DAB1: variants seen among roughly 807,000 people sequenced by gnomAD.
DAB1 encodes the protein DAB adaptor protein 1, also known as disabled homolog 1.
A neutral mutation model predicts 64.6 loss-of-function variants in DAB1; 15 were observed. The ratio of observed to expected loss-of-function variants is 0.23; its 90% confidence interval spans 0.16 to 0.36. The LOEUF is 0.36. DAB1 is among the 10% of genes least tolerant of loss of function. The pLI, the probability that DAB1 is intolerant of heterozygous loss-of-function variation, is 1.00. For missense variants in DAB1, 596 were observed against 706.7 expected, an observed-to-expected ratio of 0.84 and a Z score of 1.78; for synonymous variants, 235 against 251.9, an observed-to-expected ratio of 0.93 and a Z score of 0.64.
intron 2 of DAB1, among the ~76,000 whole-genome samples, chr1:57,157,374 G>A (rs10789045): frequency 0.26 from 39,707 of 152,004 alleles, 6,256 homozygotes; most frequent in Middle Eastern, 0.43. Context: ...TCTTATCAGC[G>A]CAGACCACTA....
Position 58,156,537 on chromosome 1 carries a change from T to C in DAB1, n.310-5949A>G, listed in dbSNP as rs551867357. On this transcript the variant is annotated intron_variant and non_coding_transcript_variant, in intron 4 of 20. Coordinates refer to the DAB1 transcript ENST00000485760. The stretch of plus-strand genomic sequence containing the variant: ...CAGTCCAGTGAGAAAGACAGAAGAG[T>C]TAATGCACAATTTCAGTACAAAGTG... Among the ~76,000 whole-genome samples, 8 of 152,258 alleles carry C rather than the reference T, an allele frequency of 5.3e-5. No individual in the cohort carries two copies. The South Asian group carries it at 6.2e-4, about 12-fold the overall frequency.
intron 3 of DAB1, among the ~76,000 whole-genome samples, chr1:58,369,308 A>G (rs577857849): frequency 1.0e-3 from 156 of 150,952 alleles, no homozygotes; most frequent in African/African-American, 3.6e-3. Flanking sequence ...CCTTCTGGGG[A>G]AAAAAAACTA....
At chr1:57,471,104 C>A (rs917577322) in intron 7 of DAB1, among the ~76,000 whole-genome samples, 1 of 152,196 alleles carries the variant, frequency 6.6e-6, no homozygotes. Flanking sequence ...GGAGTCGAAT[C>A]AAGGAAGCAG....
intron 1 of DAB1, among the ~76,000 whole-genome samples, chr1:57,861,736 A>G (rs1654044379): frequency 6.7e-6 from 1 of 149,448 alleles, no homozygotes; most frequent in African/African-American, 2.4e-5. Flanking sequence ...TATCATCAAT[A>G]ATTACTAGTA....
chr1:57,678,763 T>TG (rs1452362142), intron 6 of DAB1, among the ~76,000 whole-genome samples: 3 of 148,572 alleles, frequency 2.0e-5, no homozygotes, highest in South Asian at 2.2e-4. Flanking sequence ...AGGCAACTGT[T>TG]TTTTGTTTTT....
At chr1:58,211,900 T>C (rs557665401) in intron 4 of DAB1, among the ~76,000 whole-genome samples, 2 of 152,210 alleles carry the variant, frequency 1.3e-5, no homozygotes, top group Admixed American at 6.5e-5. Context: ...TTTCAGACGC[T>C]CTGTCCTTGG....
chr1:58,343,374 G>A (rs1021891686), exon 4 of DAB1: 3 of 152,076 alleles, frequency 2.0e-5, no homozygotes, highest in Admixed American at 6.6e-5. Flanking sequence ...GAGCAGAATG[G>A]TTTTCAGGGG....
intron 6 of DAB1, among the ~76,000 whole-genome samples, chr1:57,699,776 G>A (rs1226679323): frequency 6.6e-6 from 1 of 152,110 alleles, no homozygotes; most frequent in Non-Finnish European, 1.5e-5. Context: ...AGCTCGGCGT[G>A]GTGGTGCGTG....
At chr1:58,090,929 A>G (rs1650618643) in intron 5 of DAB1, among the ~76,000 whole-genome samples, 1 of 152,212 alleles carries the variant, frequency 6.6e-6, no homozygotes, top group Non-Finnish European at 1.5e-5. Context: ...AGACTTATAT[A>G]GTTTAGCTGA....
At chr1:58,362,516 C>T (rs1644177197) in intron 3 of DAB1, among the ~76,000 whole-genome samples, 1 of 152,172 alleles carries the variant, frequency 6.6e-6, no homozygotes, top group Non-Finnish European at 1.5e-5. Flanking sequence ...CCTCCCTGTC[C>T]TTCCTGAATG....
intron 2 of DAB1, among the ~76,000 whole-genome samples, chr1:57,173,862 G>A (rs1662031847): frequency 6.6e-6 from 1 of 151,904 alleles, no homozygotes; most frequent in Non-Finnish European, 1.5e-5. Flanking sequence ...CTTGCAGGGG[G>A]CTATGGAGTT....
intron 1 of DAB1, among the ~76,000 whole-genome samples, chr1:57,326,071 G>A (rs550338529): frequency 1.3e-5 from 2 of 152,328 alleles, no homozygotes; most frequent in East Asian, 3.9e-4. Flanking sequence ...GCTAGGCATA[G>A]ACACGATGAA....
At chr1:58,028,208 T>C (rs1646922692) in intron 5 of DAB1, among the ~76,000 whole-genome samples, 1 of 152,236 alleles carries the variant, frequency 6.6e-6, no homozygotes, top group Non-Finnish European at 1.5e-5. Context: ...ACCGAACCAT[T>C]GCTCCTAGGG....
At chr1:57,483,024 A>G (rs1644043515) in intron 7 of DAB1, among the ~76,000 whole-genome samples, 1 of 152,190 alleles carries the variant, frequency 6.6e-6, no homozygotes, top group Admixed American at 6.5e-5. Flanking sequence ...CACAATGTGG[A>G]GGATTGCTTA....
intron 4 of DAB1, among the ~76,000 whole-genome samples, chr1:58,257,484 C>G (rs566040462): frequency 6.6e-6 from 1 of 152,136 alleles, no homozygotes; most frequent in Non-Finnish European, 1.5e-5. Flanking sequence ...GCTTGCTAAG[C>G]CCTGCACCTG....
At chr1:57,048,210 A>T (rs553681947) in intron 9 of DAB1, among the ~76,000 whole-genome samples, 24 of 152,302 alleles carry the variant, frequency 1.6e-4, no homozygotes, top group African/African-American at 5.5e-4. Flanking sequence ...TCAGGCTGCA[A>T]AGCTCATACT....
At chr1:58,528,825 G>A (rs1569957586) in intron 1 of DAB1, among the ~76,000 whole-genome samples, 1 of 152,188 alleles carries the variant, frequency 6.6e-6, no homozygotes, top group Middle Eastern at 3.4e-3. Flanking sequence ...ACATCTCCTC[G>A]TCACCAAAAT....
In DAB1 at chr1:57,507,025, C is replaced by G. The variant is rs374945944; in HGVS notation, n.625+142567G>C. Among the ~76,000 whole-genome samples the G allele has an allele frequency of 4.6e-5, 7 of 152,280 alleles. No individual in the cohort carries two copies. In the South Asian group the frequency reaches 1.4e-3, roughly 32 times the overall value. On this transcript the variant is annotated intron_variant and non_coding_transcript_variant, in intron 7 of 20. Transcript: ENST00000485760. The stretch of plus-strand genomic sequence containing the variant: ...CCAGTCCCTCTCATCTACAATCTGT[C>G]TTCCATCCTTCCACTGGTTTAATTT...
At chr1:58,081,778 T>G (rs1468708520) in intron 5 of DAB1, among the ~76,000 whole-genome samples, 1 of 152,198 alleles carries the variant, frequency 6.6e-6, no homozygotes, top group Non-Finnish European at 1.5e-5. Context: ...TTTTTGAGCC[T>G]TAGAGAGCAG....
Sources: allele counts gnomAD v4.1 joint callset (sites outside exome capture counted in the v4.1 genomes callset), GRCh38; gene constraint gnomAD v4.1.1; transcripts MANE v1.5; gene names NCBI Gene and HGNC (gene_info 2026-07-23, HGNC 2026-07-21).